Variants in MEI4 observed in about 807,000 individuals in gnomAD.
The protein encoded by MEI4 is meiosis-specific protein MEI4.
Under a neutral mutation model 31.4 loss-of-function variants are expected in MEI4, and 27 were observed. The ratio of observed to expected loss-of-function variants is 0.86; its 90% CI spans 0.63 to 1.19. MEI4 has a LOEUF of 1.19. Among genes scored for constraint, MEI4 ranks in the 50% most tolerant of loss-of-function variants. The pLI, the probability that MEI4 is intolerant of heterozygous loss-of-function variation, is 0.00. For synonymous variants in MEI4, 122 were observed against 145.4 expected, an observed-to-expected ratio of 0.84 and a Z score of 1.16; for missense variants, 329 against 398.9, an observed-to-expected ratio of 0.82 and a Z score of 1.49.
intron 4 of MEI4, among the ~76,000 whole-genome samples, chr6:77,878,749 A>G (rs1486163756): frequency 6.6e-6 from 1 of 152,136 alleles, no homozygotes; most frequent in East Asian, 1.9e-4. Flanking sequence ...ATTACATTAA[A>G]TCATGTGAAA....
chr6:77,674,497 T>C (rs775533406), intron 1 of MEI4, among the ~76,000 whole-genome samples: 9 of 152,210 alleles, frequency 5.9e-5, no homozygotes, highest in Non-Finnish European at 1.2e-4. Context: ...AGCATTGTGT[T>C]GCAGTTGCCT....
intron 2 of MEI4, among the ~76,000 whole-genome samples, chr6:77,758,199 TTCAGTTTGTTTGCTGATCGA>T (rs1767960580): frequency 6.6e-6 from 1 of 151,214 alleles, no homozygotes; most frequent in Non-Finnish European, 1.5e-5. Context: ...CCACATGCAG[TTCAGTTTGTTTGCTGATCGA>T]TCATTTTTCT....
At chr6:77,665,178 C>T (rs979370548) in intron 1 of MEI4, among the ~76,000 whole-genome samples, 17 of 146,972 alleles carry the variant, frequency 1.2e-4, no homozygotes, top group East Asian at 6.1e-4. Flanking sequence ...AGTCGAGGCA[C>T]GGAAAGGGGT....
chr6:77,733,296 A>T (rs920819757), intron 2 of MEI4, among the ~76,000 whole-genome samples: 14 of 152,018 alleles, frequency 9.2e-5, no homozygotes, highest in African/African-American at 3.4e-4. Context: ...TTACTGCCAC[A>T]ATTTCAGATC....
At chr6:77,736,343 C>A (rs998851178) in intron 2 of MEI4, among the ~76,000 whole-genome samples, 1 of 151,980 alleles carries the variant, frequency 6.6e-6, no homozygotes, top group African/African-American at 2.4e-5. Context: ...CCTGGTGCGC[C>A]GTTTTTAAGC....
chr6:77,673,117 T>C (rs1240387105), intron 1 of MEI4, among the ~76,000 whole-genome samples: 1 of 152,096 alleles, frequency 6.6e-6, no homozygotes, highest in African/African-American at 2.4e-5. Flanking sequence ...AGATTACTGA[T>C]TGGGTGTCAA....
intron 4 of MEI4, among the ~76,000 whole-genome samples, chr6:77,861,863 A>G (rs1005200340): frequency 2.0e-5 from 3 of 152,160 alleles, no homozygotes; most frequent in African/African-American, 7.2e-5. Flanking sequence ...TATTGTTGTT[A>G]TTCTTACTGG....
intron 4 of MEI4, among the ~76,000 whole-genome samples, chr6:77,875,216 T>C (rs1227590220): frequency 6.6e-6 from 1 of 152,216 alleles, no homozygotes; most frequent in Admixed American, 6.5e-5. Flanking sequence ...TTCATTTTAC[T>C]CACCACTCTG....
At chr6:77,653,807 A>C (rs1193899006) in intron 1 of MEI4, among the ~76,000 whole-genome samples, 1 of 152,170 alleles carries the variant, frequency 6.6e-6, no homozygotes, top group Non-Finnish European at 1.5e-5. Flanking sequence ...AAGTGAAAAT[A>C]AATATTATAG....
chr6:77,924,829 G>C lies in MEI4; in HGVS notation c.*1483G>C, dbSNP rs1766807842. 6.6e-6 allele frequency: 1 copy of C among 151,910 alleles called. No individual in the cohort carries two copies. The highest frequency in any genetic ancestry group is 6.6e-5 in the Admixed American group (1 of 15,184). The allele number at this position is 151,910 out of a possible 1,614,324, so 9.4% of individuals were successfully genotyped here. On this transcript the variant is annotated 3_prime_UTR_variant, in exon 5 of 5. Transcript: ENST00000684080. ...CAAGCCCAAAGAAAAGTGACTGACA[G>C]GGGAGTAGACTTGAGTGGGAGAACT...
At chr6:77,716,244 G>A in intron 2 of MEI4, among the ~76,000 whole-genome samples, 1 of 152,132 alleles carries the variant, frequency 6.6e-6, no homozygotes, top group East Asian at 1.9e-4. Context: ...ATCAGAGATG[G>A]CCTTCTTGAA....
At position 77,820,351 on chromosome 6, in the gene MEI4, G is replaced by A. The variant is rs956554078; in HGVS notation, c.769-8580G>A. On this transcript the variant is annotated intron_variant, in intron 3 of 4. Transcript: ENST00000684080. The surrounding 1 kb of genome is among the most constrained non-coding windows in gnomAD (Gnocchi z 4.5). ...TTGGCTCACTGCTGCAGCTTCCACC[G>A]CTCGGGTTCAAGCAGTTCTCCTGCC... Among the ~76,000 whole-genome samples the A allele has an allele frequency of 2.6e-5, 4 of 151,788 alleles. No individual in the cohort carries two copies. Among genetic ancestry groups the A allele is most frequent in the Admixed American group, 2.0e-4 (3 of 15,218 alleles).
chr6:77,905,860 C>G (rs1766286008), intron 4 of MEI4, among the ~76,000 whole-genome samples: 1 of 150,556 alleles, frequency 6.6e-6, no homozygotes, highest in African/African-American at 2.4e-5. Context: ...TTCTTTAACT[C>G]ATAATTTACA....
intron 4 of MEI4, among the ~76,000 whole-genome samples, chr6:77,908,767 T>A (rs1001664164): frequency 1.3e-5 from 2 of 152,106 alleles, no homozygotes; most frequent in Non-Finnish European, 1.5e-5. Context: ...CATTACATAA[T>A]GGTAAAGGGA....
At chr6:77,685,196 GTTA>G (rs532843240) in intron 1 of MEI4, among the ~76,000 whole-genome samples, 242 of 151,840 alleles carry the variant, frequency 1.6e-3, no homozygotes, top group African/African-American at 5.7e-3. Flanking sequence ...TTTTCATTGG[GTTA>G]TTATATTTTT....
chr6:77,841,651 T>C (rs1219382541), intron 4 of MEI4, among the ~76,000 whole-genome samples: 1 of 151,928 alleles, frequency 6.6e-6, no homozygotes, highest in Non-Finnish European at 1.5e-5. Context: ...CCTATAAATG[T>C]ATATTTTATC....
rs571807337 is a variant in MEI4 at position 77,747,083 on chromosome 6, G to A, written c.233-14047G>A. On this transcript the variant is annotated intron_variant, in intron 2 of 4. Transcript: ENST00000684080. The stretch of plus-strand genomic sequence containing the variant: ...TCCCAGTACTTTGGGAGGCTGAGGC[G>A]GGCAGATCACCTGATATCAGGAGTT... Among the ~76,000 whole-genome samples, 21 of 152,114 alleles carry A rather than the reference G, an allele frequency of 1.4e-4. No individual in the cohort carries two copies. In the East Asian group the frequency reaches 3.3e-3, roughly 24 times the overall value.
rs70974691 is a variant in MEI4, at chr6:77,905,475, CTTTTTTTTTTTTTTTTTTTTTTTT to C, written c.901-17598_901-17575del. Reference sequence around the variant, plus strand: ...TTCTATAGATTGTATAAATTTTCAGCTTTTTTTTTTTTTTTTTTTTTTTTTTTTTTTTTTTTTTTGTGGCAGAGT... The same window carrying C: ...TTCTATAGATTGTATAAATTTTCAGCTTTTTTTTTTTTTTTGTGGCAGAGT... On this transcript the variant is annotated intron_variant, in intron 4 of 4. Transcript: ENST00000684080. 6.2e-3 allele frequency among the ~76,000 whole-genome samples: 579 copies of C among 93,350 alleles called. 6 individuals carry two copies. Among genetic ancestry groups the C allele is most frequent in the African/African-American group, 0.019 (496 of 26,262 alleles). The allele number at this position is 93,350 out of a possible 152,430, so 61.2% of individuals were successfully genotyped here.
chr6:77,735,212 A>T (rs1478227491), intron 2 of MEI4, among the ~76,000 whole-genome samples: 1 of 151,998 alleles, frequency 6.6e-6, no homozygotes, highest in African/African-American at 2.4e-5. Context: ...TCTCCTGGAT[A>T]ATATCCTGCA....
Sources: allele counts gnomAD v4.1 joint callset (sites outside exome capture counted in the v4.1 genomes callset), GRCh38; gene constraint gnomAD v4.1.1; non-coding constraint Gnocchi (gnomAD v3.1); transcripts MANE v1.5; gene names NCBI Gene and HGNC (gene_info 2026-07-23, HGNC 2026-07-21).